POMP: variants seen among roughly 807,000 people sequenced by gnomAD.
POMP encodes the protein proteasome maturation protein.
Under a neutral mutation model 20.6 loss-of-function variants are expected in POMP, and 12 were observed. That is an observed-to-expected ratio of 0.58 (90% CI 0.37 to 0.94). The LOEUF is 0.94. Ranked by LOEUF, POMP falls within the 40% of genes least tolerant of loss-of-function variation. The pLI, the probability that POMP is intolerant of heterozygous loss-of-function variation, is 0.01. For synonymous variants in POMP, 53 were observed against 55.0 expected (o/e 0.96, Z 0.16); for missense variants, 136 against 161.1 (o/e 0.84, Z 0.84).
chr13:28,670,341 C>T (rs1263403025), intron 4 of POMP, among the ~76,000 whole-genome samples: 1 of 152,116 alleles, frequency 6.6e-6, no homozygotes, highest in Non-Finnish European at 1.5e-5. Context: ...TGTCACCTAG[C>T]ACCCATCCTA....
intron 5 of POMP, among the ~76,000 whole-genome samples, chr13:28,677,127 G>A (rs1429847583): frequency 6.6e-6 from 1 of 151,960 alleles, no homozygotes; most frequent in East Asian, 1.9e-4. Context: ...CCTAATTACC[G>A]GCTGTTTTAG....
intron 5 of POMP, among the ~76,000 whole-genome samples, chr13:28,676,694 T>A (rs1276385102): frequency 2.0e-5 from 3 of 152,230 alleles, no homozygotes; most frequent in Admixed American, 6.5e-5. Context: ...ATCAGTGAAG[T>A]ACTTAGGCAA....
Position 28,662,456 on chromosome 13 carries a change from C to A in POMP, c.50C>A (p.Thr17Asn). ...GSELKDSIPV[T>N]ELSASGPFES... is the part of the protein sequence containing the mutation. ...GAGCTAAAGGACAGTATTCCAGTTA[C>A]TGAACTTTCAGCAAGTGGACCTTTT... Residue 17 changes from threonine to asparagine, a missense_variant, in exon 2 of 6, where the codon ACT (threonine) becomes AAT (asparagine). Thr to Asn is a moderately conservative substitution (Grantham distance 65). Coordinates refer to ENST00000380842, the MANE Select transcript of POMP (RefSeq NM_015932.6). 1 of 1,613,966 alleles carries A rather than the reference C, an allele frequency of 6.2e-7. No individual in the cohort carries two copies. Among genetic ancestry groups the A allele is most frequent in the Non-Finnish European group, 8.5e-7 (1 of 1,179,874 alleles).
intron 1 of POMP, 119 bp downstream of exon 1, chr13:28,659,306 A>T (rs1884291221): frequency 6.7e-7 from 1 of 1,482,624 alleles, no homozygotes; most frequent in African/African-American, 1.4e-5. Context: ...CGTGGGGCTG[A>T]GGCCGGCCTC....
At position 28,664,556 on chromosome 13, in the gene POMP, T is replaced by C; in HGVS notation, c.149T>C (p.Leu50Ser). The C allele has an allele frequency of 6.4e-7, 1 of 1,558,054 alleles. No individual in the cohort carries two copies. The highest frequency in any genetic ancestry group is 8.8e-7 in the Non-Finnish European group (1 of 1,131,904). Residue 50 changes from leucine to serine, a missense_variant, in exon 3 of 6, where the codon TTA (leucine) becomes TCA (serine). Coordinates refer to ENST00000380842, the MANE Select transcript of POMP (RefSeq NM_015932.6). ...CTTTTGCCTAGTCATCCCCTTGAAT[T>C]ATCAGAAAAAAATGTAAGTATATTA... Reference protein sequence around the residue: ...NELLPSHPLELSEKNFQLNQD... With the variant: ...NELLPSHPLESSEKNFQLNQD...
intron 4 of POMP, among the ~76,000 whole-genome samples, chr13:28,670,457 A>G (rs1194659754): frequency 1.3e-5 from 2 of 152,204 alleles, no homozygotes; most frequent in South Asian, 2.1e-4. Flanking sequence ...GATTACTGCA[A>G]CACTCATCCC....
intron 2 of POMP, among the ~76,000 whole-genome samples, chr13:28,664,289 CATT>C (rs1276945251): frequency 6.6e-6 from 1 of 152,112 alleles, no homozygotes; most frequent in African/African-American, 2.4e-5. Context: ...TACATTCTTA[CATT>C]ATTATATATA....
chr13:28,660,690 A>G (rs945752043), intron 1 of POMP, among the ~76,000 whole-genome samples: 3 of 152,200 alleles, frequency 2.0e-5, no homozygotes, highest in African/African-American at 7.2e-5. Flanking sequence ...AGTCCACACT[A>G]GAGTCCAGAT....
At chr13:28,664,116 G>C (rs1450129274) in intron 2 of POMP, among the ~76,000 whole-genome samples, 3 of 151,786 alleles carry the variant, frequency 2.0e-5, no homozygotes, top group Non-Finnish European at 2.9e-5. Flanking sequence ...TATTGAAAGT[G>C]TTAGACCTGA....
At chr13:28,674,157 T>C (rs548871572) in intron 5 of POMP, among the ~76,000 whole-genome samples, 1 of 152,334 alleles carries the variant, frequency 6.6e-6, no homozygotes, top group African/African-American at 2.4e-5. Flanking sequence ...ACTTTGAAGC[T>C]AACTTGTTAG....
chr13:28,663,517 TC>T (rs1448567563), intron 2 of POMP, among the ~76,000 whole-genome samples: 3 of 152,068 alleles, frequency 2.0e-5, no homozygotes, highest in Non-Finnish European at 4.4e-5. Flanking sequence ...TCTGTGTTGG[TC>T]AGGCTGGCCT....
chr13:28,668,693 TTTAGGGTATGACCTTGATTTCTACTTCA>T, intron 4 of POMP, 119 bp downstream of exon 4: 1 of 807,768 alleles, frequency 1.2e-6, no homozygotes, highest in African/African-American at 1.7e-5. Flanking sequence ...CCTCCCCCTT[TTTAGGGTATGACCTTGATTTCTACTTCA>T]TAGAGGGAAA....
At chr13:28,672,049 T>C (rs1884556773) in intron 4 of POMP, among the ~76,000 whole-genome samples, 1 of 152,212 alleles carries the variant, frequency 6.6e-6, no homozygotes, top group African/African-American at 2.4e-5. Flanking sequence ...TCTGGGATTT[T>C]GCATTTCATT....
intron 3 of POMP, among the ~76,000 whole-genome samples, chr13:28,665,465 T>G (rs1566107619): frequency 6.6e-6 from 1 of 152,220 alleles, no homozygotes; most frequent in Non-Finnish European, 1.5e-5. Flanking sequence ...AGGTTTCAGG[T>G]GCAGAAGTTG....
At chr13:28,671,866 C>G (rs1020430041) in intron 4 of POMP, among the ~76,000 whole-genome samples, 3 of 152,070 alleles carry the variant, frequency 2.0e-5, no homozygotes, top group Non-Finnish European at 2.9e-5. Context: ...GTGGGAATAT[C>G]AAAAATTATC....
chr13:28,666,685 A>G (rs1884453864), intron 3 of POMP, among the ~76,000 whole-genome samples: 1 of 152,202 alleles, frequency 6.6e-6, no homozygotes, highest in South Asian at 2.1e-4. Flanking sequence ...TTTAAGCCTT[A>G]GTCTTCTCAT....
At chr13:28,667,567 T>TA (rs2137794430) in intron 3 of POMP, among the ~76,000 whole-genome samples, 2 of 152,364 alleles carry the variant, frequency 1.3e-5, no homozygotes, top group East Asian at 3.9e-4. Context: ...TTAGTCACCT[T>TA]ACTTTCAAAC....
At chr13:28,674,708 A>C (rs920499554) in intron 5 of POMP, among the ~76,000 whole-genome samples, 2 of 152,188 alleles carry the variant, frequency 1.3e-5, no homozygotes, top group Non-Finnish European at 2.9e-5. Context: ...AGCAGTTTTA[A>C]GTAAGGATGT....
At chr13:28,670,064 C>T (rs899036684) in intron 4 of POMP, among the ~76,000 whole-genome samples, 11 of 152,092 alleles carry the variant, frequency 7.2e-5, no homozygotes, top group African/African-American at 2.4e-4. Flanking sequence ...GAGCCGAGAT[C>T]GTGCCACTAC....
Sources: gnomAD v4.1 joint callset for allele counts (sites outside exome capture counted in the v4.1 genomes callset) on GRCh38, gnomAD v4.1.1 for gene constraint, MANE v1.5 for transcripts, NCBI Gene and HGNC (gene_info 2026-07-23, HGNC 2026-07-21) for gene names.